RGS8: variants seen among roughly 807,000 people sequenced by gnomAD.
RGS8 encodes the protein regulator of G-protein signaling 8.
In RGS8, 8 loss-of-function variants were observed where a neutral mutation model predicts 21.7. The ratio of observed to expected loss-of-function variants is 0.37; its 90% CI spans 0.22 to 0.66. The LOEUF is 0.66. RGS8 is among the 30% of genes least tolerant of loss of function. The pLI is 0.59. For synonymous variants in RGS8, 80 were observed against 83.6 expected (o/e 0.96, Z 0.24); for missense variants, 157 against 217.9 (o/e 0.72, Z 1.76).
chr1:182,701,155 G>A, the RGS8 span, among the ~76,000 whole-genome samples: 37 of 152,334 alleles, frequency 2.4e-4, no homozygotes, highest in South Asian at 1.0e-3. Context: ...GGCATGGGGC[G>A]GAATAGCAGG....
chr1:182,687,870 G>T (rs1385008466), upstream of RGS8, among the ~76,000 whole-genome samples: 3 of 152,192 alleles, frequency 2.0e-5, no homozygotes, highest in East Asian at 1.9e-4. Flanking sequence ...AGAAACCCAG[G>T]TTTAAGAAGG....
the RGS8 span, among the ~76,000 whole-genome samples, chr1:182,697,567 TG>T: frequency 2.6e-5 from 4 of 152,258 alleles, no homozygotes; most frequent in Non-Finnish European, 5.9e-5. Context: ...ATCAAAATTC[TG>T]ATACCCGGAG....
At chr1:182,650,973 A>G (rs1231608954) in intron 5 of RGS8, among the ~76,000 whole-genome samples, 7 of 152,198 alleles carry the variant, frequency 4.6e-5, no homozygotes. Flanking sequence ...GCAGGTGGAA[A>G]ATAAAATTTT....
chr1:182,700,416 T>C, the RGS8 span, among the ~76,000 whole-genome samples: 1 of 152,194 alleles, frequency 6.6e-6, no homozygotes, highest in African/African-American at 2.4e-5. Flanking sequence ...CGCACCAATC[T>C]GACACCTCAG....
chr1:182,696,359 A>G, the RGS8 span, among the ~76,000 whole-genome samples: 2 of 152,038 alleles, frequency 1.3e-5, no homozygotes, highest in Non-Finnish European at 2.9e-5. Flanking sequence ...GTCTGGCTCA[A>G]TAACTGCTCA....
chr1:182,690,197 G>T, the RGS8 span, among the ~76,000 whole-genome samples: 1 of 152,060 alleles, frequency 6.6e-6, no homozygotes, highest in African/African-American at 2.4e-5. Context: ...TGTGTGAAAA[G>T]CCTTAACAAC....
the RGS8 span, among the ~76,000 whole-genome samples, chr1:182,721,048 T>TATATATGTGTGTATATATAC: frequency 7.1e-5 from 5 of 70,754 alleles, no homozygotes; most frequent in Non-Finnish European, 1.4e-4. Flanking sequence ...TACATATACA[T>TATATATGTGTGTATATATAC]ACATATATAT....
chr1:182,685,857 G>C (rs1481478778), upstream of RGS8, among the ~76,000 whole-genome samples: 1 of 152,184 alleles, frequency 6.6e-6, no homozygotes, highest in East Asian at 1.9e-4. Flanking sequence ...GGGGGATGCA[G>C]TGACGACTAA....
chr1:182,737,345 T>C, the RGS8 span, among the ~76,000 whole-genome samples: 4 of 152,042 alleles, frequency 2.6e-5, no homozygotes. Flanking sequence ...AGGAAATAAA[T>C]TTTTTTAACT....
rs34724940 is a variant in RGS8 at position 182,666,037 on chromosome 1, G to GA, written c.129-5dup. The stretch of plus-strand genomic sequence containing the variant: ...AGCTTCTTCTGTCGATAATCTCCTA[G>GA]AAAAAAAGAAACATCTGTCTTGAAT... On this transcript the variant is annotated splice_region_variant and splice_polypyrimidine_tract_variant and intron_variant, in intron 4 of 6. Transcript: ENST00000483095. 817 of 1,612,280 alleles carry GA rather than the reference G, an allele frequency of 5.1e-4. 3 individuals are homozygous for GA. In the African/African-American group the frequency reaches 0.01, roughly 20 times the overall value.
At chr1:182,711,419 G>A in the RGS8 span, among the ~76,000 whole-genome samples, 127 of 152,232 alleles carry the variant, frequency 8.3e-4, no homozygotes, top group African/African-American at 2.8e-3. Flanking sequence ...GTCCCACCTC[G>A]TCAGCAAATA....
chr1:182,701,958 G>GA, the RGS8 span, among the ~76,000 whole-genome samples: 1 of 152,266 alleles, frequency 6.6e-6, no homozygotes, highest in South Asian at 2.1e-4. Context: ...GGCTGCAGAG[G>GA]AAAAAATAAC....
chr1:182,650,440 T>C (rs1397691477), intron 5 of RGS8, among the ~76,000 whole-genome samples: 1 of 152,224 alleles, frequency 6.6e-6, no homozygotes, highest in African/African-American at 2.4e-5. Flanking sequence ...TAGAACAGTA[T>C]CAAAAAAGCC....
At chr1:182,660,412 C>T (rs1272871922) in intron 5 of RGS8, among the ~76,000 whole-genome samples, 1 of 152,100 alleles carries the variant, frequency 6.6e-6, no homozygotes, top group East Asian at 1.9e-4. Context: ...AATGCACCCA[C>T]ATTTCTGGGT....
At chr1:182,644,426 C>T (rs1205325823), downstream of RGS8, 4 of 152,212 alleles carry the variant, frequency 2.6e-5, no homozygotes, top group Non-Finnish European at 5.9e-5. Flanking sequence ...GCCCACATAC[C>T]CTTGCTTAGC....
chr1:182,736,806 C>G, the RGS8 span, among the ~76,000 whole-genome samples: 1 of 152,246 alleles, frequency 6.6e-6, no homozygotes, highest in Non-Finnish European at 1.5e-5. Flanking sequence ...CTCACTCTTT[C>G]CCGCTCTGCT....
the RGS8 span, among the ~76,000 whole-genome samples, chr1:182,724,362 C>T: frequency 1.3e-5 from 2 of 150,740 alleles, no homozygotes; most frequent in African/African-American, 4.9e-5. Context: ...ACAACTGGGC[C>T]TTTGCCTTAT....
chr1:182,664,411 C>T (rs1663752304), intron 5 of RGS8, among the ~76,000 whole-genome samples: 1 of 152,136 alleles, frequency 6.6e-6, no homozygotes. Flanking sequence ...TAGCAAGCAT[C>T]TCCATCACTA....
chr1:182,685,880 ATGTATTAGG>A (rs1664690012), upstream of RGS8, among the ~76,000 whole-genome samples: 2 of 152,186 alleles, frequency 1.3e-5, no homozygotes, highest in Non-Finnish European at 2.9e-5. Flanking sequence ...CCTCCTTGTC[ATGTATTAGG>A]TGACCCAGTG....
Sources: allele counts gnomAD v4.1 joint callset (sites outside exome capture counted in the v4.1 genomes callset), GRCh38; gene constraint gnomAD v4.1.1; transcripts MANE v1.5; gene names NCBI Gene and HGNC (gene_info 2026-07-23, HGNC 2026-07-21).